Variants in CMSS1 observed in about 807,000 individuals in gnomAD.
CMSS1 encodes the protein protein CMSS1.
Under a neutral mutation model 43.5 loss-of-function variants are expected in CMSS1, and 33 were observed. The observed-to-expected ratio is 0.76, with a 90% CI of 0.57 to 1.01. The LOEUF is 1.01. Ranked by LOEUF, CMSS1 falls within the 50% of genes least tolerant of loss-of-function variation. CMSS1 has a pLI of 0.00. For synonymous variants in CMSS1, 115 were observed against 117.2 expected (o/e 0.98, Z 0.12); for missense variants, 313 against 326.4 (o/e 0.96, Z 0.32).
At chr3:100,063,066 T>G (rs2065601798) in intron 1 of CMSS1, among the ~76,000 whole-genome samples, 1 of 152,238 alleles carries the variant, frequency 6.6e-6, no homozygotes, top group South Asian at 2.1e-4. Flanking sequence ...GAGGCCAAAG[T>G]CAGAAGAACT....
intron 1 of CMSS1, among the ~76,000 whole-genome samples, chr3:100,097,935 G>T (rs925724997): frequency 1.3e-5 from 2 of 152,078 alleles, no homozygotes; most frequent in African/African-American, 2.4e-5. Flanking sequence ...TATTTTGTTG[G>T]TTTTTTAAAA....
At chr3:100,012,196 CA>C (rs1710176508) in intron 1 of CMSS1, among the ~76,000 whole-genome samples, 1 of 151,960 alleles carries the variant, frequency 6.6e-6, no homozygotes, top group South Asian at 2.1e-4. Context: ...TTTTATATTC[CA>C]AAAGGATAAA....
chr3:99,983,478 A>ATGTGTATGTGTG (rs1265189911), intron 1 of CMSS1, among the ~76,000 whole-genome samples: 3 of 22,122 alleles, frequency 1.4e-4, no homozygotes, highest in Admixed American at 5.2e-4. Context: ...ATATATATAT[A>ATGTGTATGTGTG]TATATATATA....
At chr3:100,137,594 G>A (rs1210594373) in intron 1 of CMSS1, among the ~76,000 whole-genome samples, 3 of 148,272 alleles carry the variant, frequency 2.0e-5, no homozygotes, top group Admixed American at 6.8e-5. Context: ...ACAGAGTCTC[G>A]CTTTGTCGCC....
At chr3:99,982,082 G>T in intron 1 of CMSS1, among the ~76,000 whole-genome samples, 1 of 152,028 alleles carries the variant, frequency 6.6e-6, no homozygotes, top group East Asian at 1.9e-4. Flanking sequence ...TTATACTTTT[G>T]TGACGGTTGT....
In CMSS1 at chr3:100,180,765, A is replaced by G. The variant is rs2067179853; in HGVS notation, c.*2377A>G. ...AACTTCTCCCCGTTACCCAGTTTCA[A>G]AGTTGCTTCCACATTTTTTAGGTAT... On this transcript the variant is annotated 3_prime_UTR_variant, in exon 10 of 10. Transcript: ENST00000421999. 1.3e-5 allele frequency: 2 copies of G among 152,358 alleles called. No homozygotes were observed. Among genetic ancestry groups the G allele is most frequent in the South Asian group, 2.1e-4 (1 of 4,826 alleles). 9.4% of individuals were successfully genotyped at this position (152,358 alleles called of 1,614,324 possible).
chr3:100,091,711 A>G (rs2107436026), intron 1 of CMSS1, among the ~76,000 whole-genome samples: 1 of 152,376 alleles, frequency 6.6e-6, no homozygotes, highest in South Asian at 2.1e-4. Flanking sequence ...AATAAAAATA[A>G]TGGAAAACTA....
At position 100,181,715 on chromosome 3, in the gene CMSS1, T is replaced by G. The variant is rs527999173; in HGVS notation, c.*3327T>G. The G allele has an allele frequency of 6.6e-6, 1 of 152,254 alleles. No homozygotes were observed. The highest frequency in any genetic ancestry group is 2.4e-5 in the African/African-American group (1 of 41,472). 9.4% of individuals were successfully genotyped at this position (152,254 alleles called of 1,614,324 possible). A position where few individuals can be genotyped will look rare whatever the true frequency, so the allele number is the denominator to read the frequency against. ...TGTTCTCATGATTTGATTAAAGTTA[T>G]GCATTTTTTGACCAGAATACCACAG... is the stretch of plus-strand genomic sequence containing the variant. On this transcript the variant is annotated 3_prime_UTR_variant, in exon 10 of 10. Coordinates refer to ENST00000421999, the MANE Select transcript of CMSS1 (RefSeq NM_032359.4).
chr3:100,048,735 T>A (rs2065319479), intron 1 of CMSS1, among the ~76,000 whole-genome samples: 1 of 152,194 alleles, frequency 6.6e-6, no homozygotes, highest in South Asian at 2.1e-4. Flanking sequence ...TCTCAGCCCC[T>A]GTACATGGAC....
chr3:99,969,306 C>T (rs944862107), intron 1 of CMSS1, among the ~76,000 whole-genome samples: 1 of 152,130 alleles, frequency 6.6e-6, no homozygotes, highest in Non-Finnish European at 1.5e-5. Context: ...CTTGTTTGGG[C>T]TCTTGAGCAA....
intron 1 of CMSS1, among the ~76,000 whole-genome samples, chr3:99,832,231 CTTTT>C (rs577849748): frequency 2.9e-5 from 4 of 138,146 alleles, no homozygotes; most frequent in East Asian, 2.1e-4. Flanking sequence ...ATTCCTAAAT[CTTTT>C]TTTTTTTTTT....
intron 1 of CMSS1, among the ~76,000 whole-genome samples, chr3:100,099,804 A>G (rs928865491): frequency 6.6e-6 from 1 of 152,226 alleles, no homozygotes; most frequent in African/African-American, 2.4e-5. Context: ...AGAGCCAGAC[A>G]TTTGAACCAC....
intron 1 of CMSS1, among the ~76,000 whole-genome samples, chr3:100,063,490 C>T (rs868161669): frequency 3.3e-5 from 5 of 152,082 alleles, no homozygotes; most frequent in South Asian, 4.2e-4. Context: ...GGTGAATTTA[C>T]TTTAAAAAAA....
intron 1 of CMSS1, among the ~76,000 whole-genome samples, chr3:99,857,382 G>A (rs1944017406): frequency 6.6e-6 from 1 of 152,168 alleles, no homozygotes; most frequent in South Asian, 2.1e-4. Context: ...GTATGTGCTT[G>A]CTTGTTTGAG....
At chr3:99,832,684 A>C (rs1438848097) in intron 1 of CMSS1, among the ~76,000 whole-genome samples, 3 of 147,746 alleles carry the variant, frequency 2.0e-5, no homozygotes, top group Admixed American at 6.7e-5. Flanking sequence ...CTCTACTGAA[A>C]ATACAAAACA....
chr3:99,862,793 T>C (rs184379469), intron 1 of CMSS1, among the ~76,000 whole-genome samples: 1 of 152,320 alleles, frequency 6.6e-6, no homozygotes, highest in African/African-American at 2.4e-5. Flanking sequence ...CTCAAATGTA[T>C]TTGGGATCAG....
intron 1 of CMSS1, chr3:100,051,360 TTTTATATATATA>T: frequency 6.6e-6 from 1 of 151,702 alleles, no homozygotes; most frequent in Admixed American, 6.6e-5. Flanking sequence ...TTATATTTCT[TTTTATATATATA>T]TATTTTAAGT....
intron 1 of CMSS1, among the ~76,000 whole-genome samples, chr3:99,869,260 T>G (rs1944668674): frequency 6.6e-6 from 1 of 152,214 alleles, no homozygotes; most frequent in African/African-American, 2.4e-5. Context: ...TTGCCTGTGA[T>G]TCTTTGCATC....
chr3:99,929,086 C>G (rs1463562835), intron 1 of CMSS1, among the ~76,000 whole-genome samples: 1 of 152,138 alleles, frequency 6.6e-6, no homozygotes, highest in Non-Finnish European at 1.5e-5. Context: ...AACTCATGTT[C>G]CTAGTTGTTT....
Sources: allele counts gnomAD v4.1 joint callset (sites outside exome capture counted in the v4.1 genomes callset), GRCh38; gene constraint gnomAD v4.1.1; transcripts MANE v1.5; gene names NCBI Gene and HGNC (gene_info 2026-07-23, HGNC 2026-07-21).